COL6A5: variants seen among roughly 807,000 people sequenced by gnomAD.
COL6A5 encodes collagen alpha-5(VI) chain.
In COL6A5, 48 loss-of-function variants were observed where a neutral mutation model predicts 65.6. The observed-to-expected ratio is 0.73, with a 90% CI of 0.58 to 0.93. The LOEUF (loss-of-function observed/expected upper bound fraction) is 0.93. Among genes scored for constraint, COL6A5 ranks in the 40% least tolerant of loss-of-function variants. The probability of loss-of-function intolerance (pLI) is 0.00; values close to 1 mark genes in which losing one functional copy is unlikely to be tolerated. For missense variants in COL6A5, 914 were observed against 928.3 expected, an observed-to-expected ratio of 0.98 and a Z score of 0.20; for synonymous variants, 291 against 322.8, an observed-to-expected ratio of 0.90 and a Z score of 1.05.
intron 12 of COL6A5, among the ~76,000 whole-genome samples, chr3:130,402,825 C>T (rs1936860281): frequency 6.6e-6 from 1 of 152,018 alleles, no homozygotes; most frequent in Non-Finnish European, 1.5e-5. Context: ...CACTTTAATG[C>T]ACTTTTCAAA....
chr3:130,352,198 C>T (rs1934746802), intron 1 of COL6A5, among the ~76,000 whole-genome samples: 1 of 151,882 alleles, frequency 6.6e-6, no homozygotes, highest in Non-Finnish European at 1.5e-5. Context: ...AGGAGAAATA[C>T]CTAATGTAAA....
chr3:130,403,057 T>C (rs1936867371), intron 12 of COL6A5, among the ~76,000 whole-genome samples: 1 of 152,154 alleles, frequency 6.6e-6, no homozygotes, highest in African/African-American at 2.4e-5. Flanking sequence ...GGTATACTGA[T>C]CAGCCAGCTG....
intron 20 of COL6A5, among the ~76,000 whole-genome samples, chr3:130,411,180 TC>T (rs1435448442): frequency 2.0e-5 from 3 of 152,140 alleles, no homozygotes; most frequent in African/African-American, 7.2e-5. Flanking sequence ...ATATTGGACT[TC>T]CATATCTTTT....
chr3:130,402,178 C>T (rs1936839185), intron 12 of COL6A5, among the ~76,000 whole-genome samples: 1 of 152,128 alleles, frequency 6.6e-6, no homozygotes, highest in Non-Finnish European at 1.5e-5. Context: ...TAGGAGCTTG[C>T]ACCTGTAATC....
At chr3:130,439,463 T>A in intron 1 of COL6A5, 59 bp from the exon 34 acceptor site, 1 of 1,273,170 alleles carries the variant, frequency 7.9e-7, no homozygotes, top group Admixed American at 2.2e-5. Context: ...CTTAAAGTGG[T>A]TTCCTACTAG....
intron 6 of COL6A5, among the ~76,000 whole-genome samples, chr3:130,470,117 C>T (rs1233421579): frequency 1.3e-5 from 2 of 152,078 alleles, no homozygotes; most frequent in Admixed American, 6.6e-5. Flanking sequence ...TCCTCTACAG[C>T]CTCTATGCCA....
intron 7 of COL6A5, among the ~76,000 whole-genome samples, chr3:130,473,357 G>A (rs1710007789): frequency 6.6e-6 from 1 of 152,022 alleles, no homozygotes; most frequent in Non-Finnish European, 1.5e-5. Flanking sequence ...TGAAGTAGAT[G>A]TCTAAACCTC....
intron 7 of COL6A5, among the ~76,000 whole-genome samples, chr3:130,476,630 G>T (rs139485040): frequency 1.3e-5 from 2 of 152,096 alleles, no homozygotes; most frequent in Non-Finnish European, 2.9e-5. Flanking sequence ...ATTTCAATGT[G>T]CATTCAAGTT....
chr3:130,469,432 T>C (rs1384040945), exon 6 of COL6A5: 3 of 1,612,932 alleles, frequency 1.9e-6, no homozygotes, highest in South Asian at 1.1e-5. Context: ...ACAAGCCAGA[T>C]TGGAACTATA....
intron 10 of COL6A5, among the ~76,000 whole-genome samples, chr3:130,400,029 C>G (rs1936763531): frequency 6.6e-6 from 1 of 152,164 alleles, no homozygotes; most frequent in Non-Finnish European, 1.5e-5. Context: ...TCCCAAAGTG[C>G]TGGGATTACA....
chr3:130,383,989 G>A (rs1011607235), intron 4 of COL6A5, among the ~76,000 whole-genome samples: 1 of 152,036 alleles, frequency 6.6e-6, no homozygotes, highest in African/African-American at 2.4e-5. Flanking sequence ...AACAAATGAA[G>A]AAGGTAACTT....
chr3:130,379,019 A>C (rs150013772), intron 3 of COL6A5, among the ~76,000 whole-genome samples: 30 of 152,138 alleles, frequency 2.0e-4, no homozygotes, highest in African/African-American at 6.5e-4. Flanking sequence ...GGTAGCGGTG[A>C]TGGTGGACGT....
At chr3:130,476,295 C>A (rs1389798698) in intron 7 of COL6A5, among the ~76,000 whole-genome samples, 2 of 152,020 alleles carry the variant, frequency 1.3e-5, no homozygotes, top group African/African-American at 2.4e-5. Flanking sequence ...AGGGCTTCAC[C>A]CTTATGACCT....
At chr3:130,378,209 CA>C (rs1460848741) in intron 3 of COL6A5, among the ~76,000 whole-genome samples, 2 of 152,202 alleles carry the variant, frequency 1.3e-5, no homozygotes, top group African/African-American at 4.8e-5. Context: ...AGTAGTTTCT[CA>C]AACTTACCAT....
At chr3:130,448,262 C>T (rs1846031) in intron 4 of COL6A5, among the ~76,000 whole-genome samples, 107,231 of 151,884 alleles carry the variant, frequency 0.71, 41,401 homozygotes, top group Non-Finnish European at 0.88. Context: ...AAGGCTGAAA[C>T]GGCTGTACTC....
Position 130,400,015 on chromosome 3 carries a change from G to A in COL6A5, c.3992-1016G>A, listed in dbSNP as rs145686548. Among the ~76,000 whole-genome samples the A allele has an allele frequency of 5.1e-3, 782 of 151,910 alleles. 9 individuals are homozygous for A. The highest frequency in any genetic ancestry group is 0.018 in the African/African-American group (740 of 41,398). On this transcript the variant is annotated intron_variant and NMD_transcript_variant, in intron 10 of 41. Coordinates refer to the COL6A5 transcript ENST00000312481. ...TGACCTCAGGTGATCCGCCCACCTC[G>A]GCCTCCCAAAGTGCTGGGATTACAG...
intron 2 of COL6A5, 71 bp from the exon 3 acceptor site, chr3:130,376,166 A>T: frequency 6.9e-7 from 1 of 1,439,376 alleles, no homozygotes. Flanking sequence ...ATAGTCTTAA[A>T]TAAGTATTGT....
At chr3:130,398,210 A>T in intron 10 of COL6A5, 99 bp downstream of exon 10, 1 of 775,508 alleles carries the variant, frequency 1.3e-6, no homozygotes, top group South Asian at 1.7e-5. Context: ...AGCTCACTGC[A>T]AGCTCCACCT....
rs1439481447 is a variant in COL6A5 at position 130,421,162 on chromosome 3, G to A, written c.4960G>A (p.Gly1654Ser). 3.2e-6 allele frequency: 5 copies of A among 1,550,554 alleles called. No homozygotes were observed. In the Admixed American group the frequency reaches 9.8e-5, roughly 30 times the overall value. Reference sequence around the variant, plus strand: ...TGGTGTGTTTACACAGGGAGATTCTGGCATCCCAGGCTACGGTCAGATGGG... The same window carrying A: ...TGGTGTGTTTACACAGGGAGATTCTAGCATCCCAGGCTACGGTCAGATGGG... Residue 1654 changes from glycine to serine, a missense_variant and NMD_transcript_variant, in exon 26 of 42, where the codon GGC (glycine) becomes AGC (serine). Physicochemically the swap from Gly to Ser is moderately conservative, Grantham distance 56 (BLOSUM62 0). Coordinates refer to the COL6A5 transcript ENST00000312481.
Sources: gnomAD v4.1 joint callset for allele counts (sites outside exome capture counted in the v4.1 genomes callset) on GRCh38, gnomAD v4.1.1 for gene constraint, MANE v1.5 for transcripts, NCBI Gene and HGNC (gene_info 2026-07-23, HGNC 2026-07-21) for gene names.